KCNQ3: variants seen among roughly 807,000 people sequenced by gnomAD.
KCNQ3 encodes the protein potassium voltage-gated channel subfamily KQT member 3.
Under a neutral mutation model 92.5 loss-of-function variants are expected in KCNQ3, and 30 were observed. That is an observed-to-expected ratio of 0.32 (90% CI 0.24 to 0.44). KCNQ3 has a LOEUF of 0.44. Ranked by LOEUF, KCNQ3 falls within the 20% of genes least tolerant of loss-of-function variation. The pLI is 1.00. For missense variants in KCNQ3, 913 were observed against 1,140.3 expected, an observed-to-expected ratio of 0.80 and a Z score of 2.87; for synonymous variants, 450 against 468.8, an observed-to-expected ratio of 0.96 and a Z score of 0.52.
rs576104940 is a variant in KCNQ3, at chr8:132,131,536, G to T, written c.1884+644C>A. On this transcript the variant is annotated intron_variant, in intron 14 of 14. Coordinates refer to ENST00000388996, the MANE Select transcript of KCNQ3 (RefSeq NM_004519.4). Reference sequence around the variant, plus strand: ...TGGCAGGTCACTAGCATTTCCTAAGGGTTCACCATGAAATGCTTGATAATT... The same window carrying T: ...TGGCAGGTCACTAGCATTTCCTAAGTGTTCACCATGAAATGCTTGATAATT... Among the ~76,000 whole-genome samples the T allele has an allele frequency of 5.3e-3, 800 of 152,168 alleles. 7 individuals are homozygous for T. The highest frequency in any genetic ancestry group is 0.011 in the Admixed American group (165 of 15,296).
At chr8:132,443,606 A>G (rs1452700076) in intron 1 of KCNQ3, among the ~76,000 whole-genome samples, 1 of 152,160 alleles carries the variant, frequency 6.6e-6, no homozygotes, top group African/African-American at 2.4e-5. Context: ...CCTCCCCAGC[A>G]CAGATACACA....
chr8:132,175,309 G>T, intron 5 of KCNQ3, 144 bp downstream of exon 5: 1 of 884,902 alleles, frequency 1.1e-6, no homozygotes, highest in Non-Finnish European at 1.9e-6. Context: ...TCTGTCAGCA[G>T]GTTCTGAGCT....
chr8:132,331,443 G>A (rs999392210), intron 1 of KCNQ3, among the ~76,000 whole-genome samples: 7 of 152,274 alleles, frequency 4.6e-5, no homozygotes, highest in South Asian at 2.1e-4. Flanking sequence ...ATGGCCACCC[G>A]TGGGGCCTCT....
At chr8:132,183,641 G>A (rs1826864834) in intron 3 of KCNQ3, among the ~76,000 whole-genome samples, 1 of 152,126 alleles carries the variant, frequency 6.6e-6, no homozygotes, top group Non-Finnish European at 1.5e-5. Context: ...CTATCAAACT[G>A]CCTGCACACA....
intron 10 of KCNQ3, 167 bp downstream of exon 10, chr8:132,140,962 G>A: frequency 1.5e-6 from 1 of 682,912 alleles, no homozygotes; most frequent in South Asian, 1.6e-5. Context: ...CTCAGCCCAA[G>A]GGACAGGAGG....
chr8:132,217,168 C>T (rs1435388992), intron 1 of KCNQ3, among the ~76,000 whole-genome samples: 1 of 152,076 alleles, frequency 6.6e-6, no homozygotes, highest in East Asian at 1.9e-4. Flanking sequence ...AAATTTACCA[C>T]GGTGGGAGTA....
chr8:132,469,139 A>C (rs4736587), intron 1 of KCNQ3, among the ~76,000 whole-genome samples: 27,190 of 152,234 alleles, frequency 0.18, 2,899 homozygotes, highest in East Asian at 0.38. Context: ...AAGGGTGATC[A>C]CCTTGGGGAA....
At chr8:132,423,193 G>A (rs546241874) in intron 1 of KCNQ3, among the ~76,000 whole-genome samples, 1 of 152,300 alleles carries the variant, frequency 6.6e-6, no homozygotes, top group African/African-American at 2.4e-5. Context: ...TATGTCATCT[G>A]GAGGACACAG....
At chr8:132,383,340 T>C (rs964352338) in intron 1 of KCNQ3, among the ~76,000 whole-genome samples, 3 of 152,094 alleles carry the variant, frequency 2.0e-5, no homozygotes, top group African/African-American at 4.8e-5. Context: ...TTCTTGCAGA[T>C]TGTAGGATCG....
chr8:132,480,991 G>GCCTCCTC lies in KCNQ3; in HGVS notation c.-466_-460dup, dbSNP rs1822552189. The GCCTCCTC allele has an allele frequency of 6.6e-6, 1 of 151,978 alleles. No individual in the cohort carries two copies. Among genetic ancestry groups the GCCTCCTC allele is most frequent in the Non-Finnish European group, 1.5e-5 (1 of 68,606 alleles). The allele number at this position is 151,978 out of a possible 1,614,324, so 9.4% of individuals were successfully genotyped here. A position where few individuals can be genotyped will look rare whatever the true frequency, so the allele number is the denominator to read the frequency against. The stretch of plus-strand genomic sequence containing the variant: ...GCCAGCCACACGCGCCGCCGCCGCC[G>GCCTCCTC]CCTCCTCCCTCCTCCGCGCTCCCAC... On this transcript the variant is annotated 5_prime_UTR_variant, in exon 1 of 15. Transcript: ENST00000388996.
At chr8:132,223,921 G>A (rs546947910) in intron 1 of KCNQ3, among the ~76,000 whole-genome samples, 3 of 151,772 alleles carry the variant, frequency 2.0e-5, no homozygotes, top group Non-Finnish European at 2.9e-5. Flanking sequence ...CTAACCACCA[G>A]GATCATATTT....
At chr8:132,368,013 C>A (rs569457389) in intron 1 of KCNQ3, among the ~76,000 whole-genome samples, 1 of 152,300 alleles carries the variant, frequency 6.6e-6, no homozygotes, top group South Asian at 2.1e-4. Flanking sequence ...GAAAGGGAAA[C>A]AATACCACCT....
chr8:132,210,457 T>C (rs956259710), intron 1 of KCNQ3, among the ~76,000 whole-genome samples: 4 of 152,228 alleles, frequency 2.6e-5, no homozygotes, highest in Non-Finnish European at 5.9e-5. Context: ...AGTCACTTGA[T>C]AGCTATATAC....
chr8:132,480,166 G>A lies in KCNQ3; in HGVS notation c.367C>T (p.Leu123=), dbSNP rs1466158287. The A allele has an allele frequency of 6.2e-7, 1 of 1,612,480 alleles. No individual in the cohort carries two copies. ...DALERPRGWA[L]LYHALVFLIV... ...ACTCACACCAACGCGTGGTAAAGCAGCGCCCAGCCCCGCGGTCTCTCCAGG... is the reference window on the plus strand; with the variant it reads ...ACTCACACCAACGCGTGGTAAAGCAACGCCCAGCCCCGCGGTCTCTCCAGG... Residue 123 remains leucine, a synonymous_variant, in exon 1 of 15, where the codon CTG becomes TTG. Coordinates refer to ENST00000388996, the MANE Select transcript of KCNQ3 (RefSeq NM_004519.4).
At chr8:132,437,687 T>A (rs537269586) in intron 1 of KCNQ3, among the ~76,000 whole-genome samples, 3 of 152,244 alleles carry the variant, frequency 2.0e-5, no homozygotes, top group Non-Finnish European at 4.4e-5. Flanking sequence ...TGTATTCTCA[T>A]GCACCGTATT....
At chr8:132,347,526 G>A (rs887843432) in intron 1 of KCNQ3, among the ~76,000 whole-genome samples, 18 of 152,158 alleles carry the variant, frequency 1.2e-4, no homozygotes, top group Admixed American at 2.0e-4. Context: ...AATACACAAT[G>A]GCAAATGGTG....
chr8:132,226,388 T>C (rs1237330145), intron 1 of KCNQ3, among the ~76,000 whole-genome samples: 1 of 152,102 alleles, frequency 6.6e-6, no homozygotes, highest in Non-Finnish European at 1.5e-5. Context: ...AAAAGGTGTA[T>C]ATGTGTGTGC....
chr8:132,283,419 C>T (rs1485314786), intron 1 of KCNQ3, among the ~76,000 whole-genome samples: 1 of 152,190 alleles, frequency 6.6e-6, no homozygotes, highest in Non-Finnish European at 1.5e-5. Context: ...CTGTATTTCT[C>T]TCAACAGGAA....
intron 1 of KCNQ3, among the ~76,000 whole-genome samples, chr8:132,358,792 A>G (rs1399919011): frequency 6.6e-6 from 1 of 152,168 alleles, no homozygotes; most frequent in African/African-American, 2.4e-5. Flanking sequence ...GTGTGGATGT[A>G]CACTGTCGCT....
Sources: allele counts gnomAD v4.1 joint callset (sites outside exome capture counted in the v4.1 genomes callset), GRCh38; gene constraint gnomAD v4.1.1; transcripts MANE v1.5; gene names NCBI Gene and HGNC (gene_info 2026-07-23, HGNC 2026-07-21).